RBFOX1: variants seen among roughly 807,000 people sequenced by gnomAD.
RBFOX1 encodes the protein RNA binding protein fox-1 homolog 1.
A neutral mutation model predicts 57.7 loss-of-function variants in RBFOX1; 8 were observed. That is an observed-to-expected ratio of 0.14 (90% CI 0.08 to 0.25). The LOEUF (loss-of-function observed/expected upper bound fraction) is 0.25. Ranked by LOEUF, RBFOX1 falls within the 10% of genes least tolerant of loss-of-function variation. The pLI is 1.00. For missense variants in RBFOX1, 611 were observed against 548.5 expected (o/e 1.11, Z -1.14); for synonymous variants, 326 against 222.4 (o/e 1.47, Z -4.15).
chr16:5,708,846 T>C (rs373835338), intron 3 of RBFOX1, among the ~76,000 whole-genome samples: 2 of 152,220 alleles, frequency 1.3e-5, no homozygotes, highest in East Asian at 1.9e-4. Flanking sequence ...TTTCTAACTT[T>C]TGGAAGAAAC....
At position 5,502,074 on chromosome 16, in the gene RBFOX1, C is replaced by G. The variant is rs74004344; in HGVS notation, c.258+34820C>G. 8.2e-3 allele frequency among the ~76,000 whole-genome samples: 1,248 copies of G among 151,872 alleles called. 22 individuals are homozygous for G. Among genetic ancestry groups the G allele is most frequent in the African/African-American group, 0.029 (1,192 of 41,352 alleles). Reference sequence around the variant, plus strand: ...TTAATTGTTATGATTACTGAGGAGACAGGTAAGCAGCTACAATTTAGAGTG... The same window carrying G: ...TTAATTGTTATGATTACTGAGGAGAGAGGTAAGCAGCTACAATTTAGAGTG... On this transcript the variant is annotated intron_variant, in intron 2 of 2. Coordinates refer to the RBFOX1 transcript ENST00000585867.
intron 4 of RBFOX1, among the ~76,000 whole-genome samples, chr16:5,907,224 A>G (rs1324418370): frequency 6.6e-6 from 1 of 152,188 alleles, no homozygotes; most frequent in Non-Finnish European, 1.5e-5. Context: ...GTGAGAAATC[A>G]TGCAGTTGGA....
intron 1 of RBFOX1, among the ~76,000 whole-genome samples, chr16:5,356,305 G>C (rs905283447): frequency 2.6e-5 from 4 of 152,196 alleles, no homozygotes; most frequent in Non-Finnish European, 5.9e-5. Flanking sequence ...TGAACTTCTA[G>C]GCTACAGAAC....
intron 1 of RBFOX1, among the ~76,000 whole-genome samples, chr16:6,290,019 C>A (rs2077301094): frequency 6.6e-6 from 1 of 152,094 alleles, no homozygotes; most frequent in African/African-American, 2.4e-5. Context: ...TTAGAGATAA[C>A]CCGTGGTTTT....
intron 3 of RBFOX1, among the ~76,000 whole-genome samples, chr16:6,708,297 C>A (rs1032268385): frequency 7.0e-6 from 1 of 143,130 alleles, no homozygotes; most frequent in African/African-American, 2.5e-5. Context: ...AACACACACA[C>A]ACACACACTC....
At chr16:7,575,421 C>T (rs1420869293) in intron 5 of RBFOX1, among the ~76,000 whole-genome samples, 1 of 152,108 alleles carries the variant, frequency 6.6e-6, no homozygotes, top group Non-Finnish European at 1.5e-5. Context: ...GTGTAAGCCA[C>T]CGCACCCGAC....
intron 4 of RBFOX1, among the ~76,000 whole-genome samples, chr16:7,116,631 G>A (rs1309845709): frequency 1.3e-5 from 2 of 152,164 alleles, no homozygotes; most frequent in East Asian, 1.9e-4. Context: ...CCAGGGCTGC[G>A]GGAGTTAGAA....
intron 1 of RBFOX1, among the ~76,000 whole-genome samples, chr16:5,349,105 G>A (rs934855088): frequency 5.9e-5 from 9 of 152,052 alleles, no homozygotes; most frequent in East Asian, 1.9e-4. Flanking sequence ...GTATTATTCC[G>A]CCTTAAAAAA....
intron 3 of RBFOX1, among the ~76,000 whole-genome samples, chr16:6,768,427 A>G (rs190789538): frequency 5.1e-4 from 77 of 152,188 alleles, no homozygotes; most frequent in Non-Finnish European, 7.6e-4. Flanking sequence ...TCAAACATAT[A>G]AGAGTGCAGA....
chr16:6,078,032 T>G (rs533153598), intron 1 of RBFOX1, among the ~76,000 whole-genome samples: 21 of 152,202 alleles, frequency 1.4e-4, no homozygotes, highest in Non-Finnish European at 2.8e-4. Context: ...AACATTTTGT[T>G]GGTAACACAC....
intron 3 of RBFOX1, among the ~76,000 whole-genome samples, chr16:5,675,275 A>C (rs952548204): frequency 4.6e-5 from 7 of 152,180 alleles, no homozygotes; most frequent in Non-Finnish European, 8.8e-5. Flanking sequence ...GTGAAAACAC[A>C]TTTTTGGGTT....
intron 3 of RBFOX1, among the ~76,000 whole-genome samples, chr16:6,951,299 C>G (rs1166774553): frequency 6.6e-6 from 1 of 152,158 alleles, no homozygotes; most frequent in African/African-American, 2.4e-5. Flanking sequence ...TTTCAGCTGT[C>G]TGTAGGCTGG....
At chr16:5,275,218 G>A (rs540213913) in intron 1 of RBFOX1, among the ~76,000 whole-genome samples, 1 of 152,222 alleles carries the variant, frequency 6.6e-6, no homozygotes, top group South Asian at 2.1e-4. Flanking sequence ...TGAGATTTTG[G>A]TACATTTGTG....
intron 4 of RBFOX1, among the ~76,000 whole-genome samples, chr16:7,476,888 A>G (rs1304746203): frequency 6.6e-6 from 1 of 152,136 alleles, no homozygotes; most frequent in Non-Finnish European, 1.5e-5. Flanking sequence ...TGAAATGGAG[A>G]TTACATTTTC....
At chr16:6,858,050 C>T (rs896143182) in intron 3 of RBFOX1, among the ~76,000 whole-genome samples, 3 of 152,098 alleles carry the variant, frequency 2.0e-5, no homozygotes, top group Non-Finnish European at 2.9e-5. Flanking sequence ...ATGTTCATCC[C>T]AAGAATGGCC....
chr16:5,330,746 A>T (rs2064731209), intron 1 of RBFOX1, among the ~76,000 whole-genome samples: 1 of 150,552 alleles, frequency 6.6e-6, no homozygotes, highest in Admixed American at 6.6e-5. Flanking sequence ...CTGTGGCCAC[A>T]GCAGACAAGG....
chr16:5,757,935 A>G (rs2053458275), intron 3 of RBFOX1, among the ~76,000 whole-genome samples: 1 of 152,248 alleles, frequency 6.6e-6, no homozygotes, highest in Non-Finnish European at 1.5e-5. Context: ...GGTCATCACC[A>G]CTGTAGCTGA....
intron 4 of RBFOX1, among the ~76,000 whole-genome samples, chr16:5,916,806 T>C (rs1372319251): frequency 3.3e-5 from 5 of 152,118 alleles, no homozygotes; most frequent in African/African-American, 9.7e-5. Context: ...AACCCCTGGA[T>C]TGAGCTGGGA....
chr16:6,770,778 G>A (rs1015569744), intron 3 of RBFOX1, among the ~76,000 whole-genome samples: 1 of 152,144 alleles, frequency 6.6e-6, no homozygotes, highest in Non-Finnish European at 1.5e-5. Flanking sequence ...CAGTTGGGAA[G>A]TTAAGGAAGT....
Sources: allele counts gnomAD v4.1 joint callset (sites outside exome capture counted in the v4.1 genomes callset), GRCh38; gene constraint gnomAD v4.1.1; transcripts MANE v1.5; gene names NCBI Gene and HGNC (gene_info 2026-07-23, HGNC 2026-07-21).